ADGRL3: variants seen among roughly 807,000 people sequenced by gnomAD.
ADGRL3 encodes calcium-independent alpha-latrotoxin receptor 3.
ADGRL3 carries 62 observed loss-of-function variants against 153.5 expected under a neutral mutation model. The ratio of observed to expected loss-of-function variants is 0.40; its 90% CI spans 0.33 to 0.50. The LOEUF is 0.50. ADGRL3 is among the 20% of genes least tolerant of loss of function. The probability of loss-of-function intolerance (pLI) is 0.47; values close to 1 mark genes in which losing one functional copy is unlikely to be tolerated. For missense variants in ADGRL3, 1,641 were observed against 1,859.4 expected, an observed-to-expected ratio of 0.88 and a Z score of 2.16; for synonymous variants, 710 against 672.5, an observed-to-expected ratio of 1.06 and a Z score of -0.86.
At chr4:61,289,602 C>T (rs571590384) in intron 1 of ADGRL3, among the ~76,000 whole-genome samples, 6 of 151,984 alleles carry the variant, frequency 3.9e-5, no homozygotes, top group South Asian at 2.1e-4. Flanking sequence ...TTCTCTCTTA[C>T]GCCATCAGAA....
At chr4:61,889,284 G>A (rs903291500) in intron 9 of ADGRL3, among the ~76,000 whole-genome samples, 5 of 152,200 alleles carry the variant, frequency 3.3e-5, no homozygotes, top group African/African-American at 1.2e-4. Flanking sequence ...GAAAATGGGG[G>A]CAAGAACACA....
intron 4 of ADGRL3, among the ~76,000 whole-genome samples, chr4:61,553,158 T>A (rs954002178): frequency 6.6e-6 from 1 of 152,214 alleles, no homozygotes; most frequent in Non-Finnish European, 1.5e-5. Flanking sequence ...CTAAATTGCC[T>A]GGACAGATCT....
At chr4:61,519,990 G>T (rs1284062385) in intron 4 of ADGRL3, among the ~76,000 whole-genome samples, 2 of 152,146 alleles carry the variant, frequency 1.3e-5, no homozygotes, top group Non-Finnish European at 2.9e-5. Context: ...AATGAAAGCA[G>T]CCATAACAAC....
intron 8 of ADGRL3, among the ~76,000 whole-genome samples, chr4:61,765,231 G>T (rs969798472): frequency 2.6e-5 from 4 of 152,068 alleles, no homozygotes; most frequent in African/African-American, 4.8e-5. Context: ...CGGTGAATAG[G>T]AGTATGACTA....
chr4:61,314,136 T>G (rs2095116952), intron 1 of ADGRL3, among the ~76,000 whole-genome samples: 1 of 152,188 alleles, frequency 6.6e-6, no homozygotes, highest in Non-Finnish European at 1.5e-5. Flanking sequence ...CTGCTGTACT[T>G]GTCTTTTTCT....
intron 1 of ADGRL3, among the ~76,000 whole-genome samples, chr4:61,370,480 G>A (rs912716416): frequency 4.0e-5 from 6 of 151,842 alleles, no homozygotes; most frequent in Non-Finnish European, 7.4e-5. Flanking sequence ...CCTTCATTTC[G>A]TTATGTACCC....
At chr4:61,744,029 G>T (rs574243181) in intron 8 of ADGRL3, among the ~76,000 whole-genome samples, 1 of 152,312 alleles carries the variant, frequency 6.6e-6, no homozygotes, top group East Asian at 1.9e-4. Context: ...CTTTTCCGAT[G>T]GGCTTAAAAA....
intron 5 of ADGRL3, among the ~76,000 whole-genome samples, chr4:61,664,974 G>A (rs1008308167): frequency 2.0e-5 from 3 of 152,184 alleles, no homozygotes; most frequent in Non-Finnish European, 4.4e-5. Flanking sequence ...CAGGTCCTAA[G>A]ATGATCGTGT....
intron 2 of ADGRL3, among the ~76,000 whole-genome samples, chr4:61,410,573 C>G (rs757256116): frequency 9.9e-5 from 15 of 152,132 alleles, no homozygotes; most frequent in Non-Finnish European, 2.9e-5. Flanking sequence ...CCAGTGCAAA[C>G]TGATAATTCA....
chr4:61,526,648 T>C (rs2098562305), intron 4 of ADGRL3, among the ~76,000 whole-genome samples: 1 of 151,972 alleles, frequency 6.6e-6, no homozygotes. Context: ...TGGTGGTGCA[T>C]CCCTGCAGTC....
At chr4:61,788,870 G>A in intron 8 of ADGRL3, among the ~76,000 whole-genome samples, 1 of 151,962 alleles carries the variant, frequency 6.6e-6, no homozygotes, top group East Asian at 1.9e-4. Flanking sequence ...TCAAGATATG[G>A]GCAATTGATT....
At chr4:61,304,007 G>A (rs2150385926) in intron 1 of ADGRL3, among the ~76,000 whole-genome samples, 1 of 152,214 alleles carries the variant, frequency 6.6e-6, no homozygotes, top group Non-Finnish European at 1.5e-5. Context: ...TTTTTTCAAG[G>A]GTGTGAACAT....
chr4:61,547,264 G>T lies in ADGRL3; in HGVS notation c.259+29746G>T, dbSNP rs375816640. Reference sequence around the variant, plus strand: ...CCACAATAATTTTCTGGGTTTTTTGGTTTTTTTTACTTTTTTTTTTTTAGA... The same window carrying T: ...CCACAATAATTTTCTGGGTTTTTTGTTTTTTTTTACTTTTTTTTTTTTAGA... On this transcript the variant is annotated intron_variant, in intron 4 of 26. Transcript: ENST00000683033. Among the ~76,000 whole-genome samples the T allele has an allele frequency of 6.6e-3, 985 of 149,724 alleles. 12 individuals carry two copies. The highest frequency in any genetic ancestry group is 0.021 in the African/African-American group (861 of 40,820).
intron 25 of ADGRL3, among the ~76,000 whole-genome samples, chr4:62,060,208 A>T (rs1739313138): frequency 6.6e-6 from 1 of 151,964 alleles, no homozygotes; most frequent in Non-Finnish European, 1.5e-5. Flanking sequence ...ATCTTCTTTT[A>T]GATCAATATA....
chr4:61,536,271 G>A (rs186405073), intron 4 of ADGRL3, among the ~76,000 whole-genome samples: 5 of 152,042 alleles, frequency 3.3e-5, no homozygotes, highest in East Asian at 1.9e-4. Context: ...CAATTCTTTC[G>A]AGTTTATTGA....
intron 2 of ADGRL3, among the ~76,000 whole-genome samples, chr4:61,494,685 C>T (rs569372834): frequency 2.3e-4 from 35 of 151,946 alleles, no homozygotes; most frequent in African/African-American, 7.7e-4. Flanking sequence ...CCAAATATTT[C>T]GTTTCTTGTC....
intron 6 of ADGRL3, among the ~76,000 whole-genome samples, chr4:61,724,025 C>T (rs1422183501): frequency 2.0e-5 from 3 of 152,120 alleles, no homozygotes; most frequent in Admixed American, 2.0e-4. Flanking sequence ...TCTCTATTCA[C>T]ATCTGTAAGT....
intron 17 of ADGRL3, among the ~76,000 whole-genome samples, chr4:61,970,281 C>T (rs1467199589): frequency 6.6e-6 from 1 of 152,080 alleles, no homozygotes. Flanking sequence ...TTATTTAACT[C>T]AGAAATGCTA....
intron 9 of ADGRL3, among the ~76,000 whole-genome samples, chr4:61,828,863 A>G (rs2097841110): frequency 6.6e-6 from 1 of 152,220 alleles, no homozygotes; most frequent in Admixed American, 6.5e-5. Context: ...TGTTAAATGC[A>G]TCTAAGACAA....
Sources: allele counts gnomAD v4.1 joint callset (sites outside exome capture counted in the v4.1 genomes callset), GRCh38; gene constraint gnomAD v4.1.1; transcripts MANE v1.5; gene names NCBI Gene and HGNC (gene_info 2026-07-23, HGNC 2026-07-21).